PCDH9: variants seen among roughly 807,000 people sequenced by gnomAD.
PCDH9 encodes protocadherin 9.
In PCDH9, 24 loss-of-function variants were observed where a neutral mutation model predicts 70.6. The observed-to-expected ratio is 0.34, with a 90% CI of 0.25 to 0.48. The LOEUF is 0.48. Ranked by LOEUF, PCDH9 falls within the 20% of genes least tolerant of loss-of-function variation. The pLI, the probability that PCDH9 is intolerant of heterozygous loss-of-function variation, is 0.99. For synonymous variants in PCDH9, 562 were observed against 558.5 expected (o/e 1.01, Z -0.09); for missense variants, 1,281 against 1,503.6 (o/e 0.85, Z 2.45).
chr13:66,320,144 C>T (rs1024267104), intron 4 of PCDH9, among the ~76,000 whole-genome samples: 1 of 152,056 alleles, frequency 6.6e-6, no homozygotes, highest in African/African-American at 2.4e-5. Flanking sequence ...ATATATTTAA[C>T]AAACACTGGG....
In PCDH9 at chr13:66,420,053, C is replaced by T. The variant is rs138147814; in HGVS notation, c.3341-115025G>A. 3.5e-3 allele frequency among the ~76,000 whole-genome samples: 527 copies of T among 152,214 alleles called. 13 individuals carry two copies. In the East Asian group the frequency reaches 0.061, roughly 18 times the overall value. ...TCCCCTCAAAGTGGAAACAAAGCCA[C>T]AGGGAAATTTGGACTGTGCAGAGCC... On this transcript the variant is annotated intron_variant, in intron 4 of 4. Coordinates refer to ENST00000377865, the MANE Select transcript of PCDH9 (RefSeq NM_203487.3).
intron 3 of PCDH9, among the ~76,000 whole-genome samples, chr13:66,875,382 T>C (rs1024452379): frequency 6.6e-6 from 1 of 152,192 alleles, no homozygotes; most frequent in African/African-American, 2.4e-5. Context: ...CAAGCATATG[T>C]TATGCTTGTC....
chr13:66,978,556 T>C (rs866076436), intron 2 of PCDH9: 2 of 151,658 alleles, frequency 1.3e-5, no homozygotes, highest in African/African-American at 2.4e-5. Context: ...TTTTTCTACA[T>C]AGACTACAAA....
chr13:66,450,442 T>C (rs1958182449), intron 4 of PCDH9, among the ~76,000 whole-genome samples: 1 of 152,162 alleles, frequency 6.6e-6, no homozygotes, highest in Non-Finnish European at 1.5e-5. Context: ...TGAAAGCACT[T>C]TCCTGTTGGC....
chr13:66,968,923 G>C (rs1045916738), intron 2 of PCDH9, among the ~76,000 whole-genome samples: 1 of 152,010 alleles, frequency 6.6e-6, no homozygotes, highest in Admixed American at 6.6e-5. Flanking sequence ...TAGAATTCCA[G>C]TGGGGACCTT....
intron 2 of PCDH9, among the ~76,000 whole-genome samples, chr13:66,946,506 A>T (rs887085730): frequency 5.9e-5 from 9 of 152,060 alleles, no homozygotes; most frequent in African/African-American, 2.2e-4. Flanking sequence ...CCCATCTCTA[A>T]TTTTTTAAAA....
At chr13:66,567,503 T>C (rs2076670763) in intron 4 of PCDH9, among the ~76,000 whole-genome samples, 1 of 152,158 alleles carries the variant, frequency 6.6e-6, no homozygotes, top group South Asian at 2.1e-4. Context: ...AATCCATCTG[T>C]CTGCTAATAA....
chr13:67,055,330 C>T (rs2085397268), intron 2 of PCDH9, among the ~76,000 whole-genome samples: 1 of 152,112 alleles, frequency 6.6e-6, no homozygotes, highest in South Asian at 2.1e-4. Flanking sequence ...TTCTAAAATT[C>T]TGGTACAGTT....
At chr13:66,795,862 C>T (rs1321975014) in intron 3 of PCDH9, among the ~76,000 whole-genome samples, 1 of 152,068 alleles carries the variant, frequency 6.6e-6, no homozygotes, top group Admixed American at 6.6e-5. Flanking sequence ...TCTGCTGAAT[C>T]CTTTTGCTTT....
chr13:66,645,561 A>G (rs2077759932), intron 3 of PCDH9, among the ~76,000 whole-genome samples: 1 of 152,130 alleles, frequency 6.6e-6, no homozygotes, highest in Non-Finnish European at 1.5e-5. Flanking sequence ...AAACTAAAAC[A>G]TAAAAAGAAT....
chr13:66,694,750 T>G (rs2078535299), intron 3 of PCDH9, among the ~76,000 whole-genome samples: 1 of 151,920 alleles, frequency 6.6e-6, no homozygotes, highest in African/African-American at 2.4e-5. Context: ...ACTATACACA[T>G]TATATATATT....
intron 4 of PCDH9, among the ~76,000 whole-genome samples, chr13:66,368,799 G>C: frequency 6.6e-6 from 1 of 152,044 alleles, no homozygotes; most frequent in Admixed American, 6.6e-5. Context: ...AAGCCAAGGA[G>C]GAGCAAGTCA....
chr13:66,848,927 C>CA (rs745587776), intron 3 of PCDH9, among the ~76,000 whole-genome samples: 3,152 of 50,692 alleles, frequency 0.062, 252 homozygotes, highest in African/African-American at 0.16. Context: ...GACTCCGTCT[C>CA]AAAAAAAAAA....
chr13:66,716,177 T>G (rs969516417), intron 3 of PCDH9, among the ~76,000 whole-genome samples: 1 of 152,222 alleles, frequency 6.6e-6, no homozygotes, highest in Non-Finnish European at 1.5e-5. Flanking sequence ...CAATTTATTT[T>G]GAAAAAGCAT....
intron 4 of PCDH9, among the ~76,000 whole-genome samples, chr13:66,522,632 G>A (rs919618630): frequency 2.0e-5 from 3 of 151,950 alleles, no homozygotes; most frequent in Non-Finnish European, 2.9e-5. Flanking sequence ...AGAGCCCTAA[G>A]TCCAATGACA....
At chr13:67,219,095 C>T (rs2089670040) in intron 2 of PCDH9, 1 of 151,992 alleles carries the variant, frequency 6.6e-6, no homozygotes, top group Non-Finnish European at 1.5e-5. Flanking sequence ...CAGAGACAAA[C>T]TGTCTATAGG....
intron 4 of PCDH9, among the ~76,000 whole-genome samples, chr13:66,307,395 G>A (rs760245131): frequency 1.7e-4 from 26 of 151,998 alleles, no homozygotes; most frequent in Non-Finnish European, 2.9e-4. Flanking sequence ...CTGCTTAAAG[G>A]CAGACCTAAA....
intron 2 of PCDH9, among the ~76,000 whole-genome samples, chr13:67,137,011 AATC>A (rs1305897630): frequency 1.3e-5 from 2 of 152,082 alleles, no homozygotes; most frequent in Non-Finnish European, 2.9e-5. Flanking sequence ...AATTTTCATA[AATC>A]ATTATGTAAA....
intron 4 of PCDH9, among the ~76,000 whole-genome samples, chr13:66,531,325 C>T (rs746441729): frequency 6.6e-6 from 1 of 152,012 alleles, no homozygotes; most frequent in Non-Finnish European, 1.5e-5. Flanking sequence ...TACAAGAAAA[C>T]AACAGTCTTT....
Sources: gnomAD v4.1 joint callset for allele counts (sites outside exome capture counted in the v4.1 genomes callset) on GRCh38, gnomAD v4.1.1 for gene constraint, MANE v1.5 for transcripts, NCBI Gene and HGNC (gene_info 2026-07-23, HGNC 2026-07-21) for gene names.